Variants in ZFHX3 observed in about 807,000 individuals in gnomAD.
ZFHX3 encodes the protein zinc finger homeobox 3, also known as zinc finger homeobox protein 3.
ZFHX3 carries 42 observed loss-of-function variants against 279.1 expected under a neutral mutation model. That is an observed-to-expected ratio of 0.15 (90% CI 0.12 to 0.19). The LOEUF is 0.19. Among genes scored for constraint, ZFHX3 ranks in the 10% least tolerant of loss-of-function variants. The pLI is 1.00. For missense variants in ZFHX3, 4,981 were observed against 4,754.0 expected (o/e 1.05, Z -1.40); for synonymous variants, 2,293 against 1,957.8 (o/e 1.17, Z -4.52).
chr16:73,667,805 T>C (rs1467381041), intron 2 of ZFHX3, among the ~76,000 whole-genome samples: 1 of 152,172 alleles, frequency 6.6e-6, no homozygotes, highest in Non-Finnish European at 1.5e-5. Flanking sequence ...TGCACTGAAG[T>C]TTTGCCATTA....
intron 8 of ZFHX3, among the ~76,000 whole-genome samples, chr16:73,090,373 A>T (rs908883421): frequency 4.6e-5 from 7 of 152,240 alleles, no homozygotes; most frequent in African/African-American, 1.7e-4. Context: ...AACCTGGGTG[A>T]CAGAGACCCT....
At chr16:73,477,119 T>G (rs1049304385) in intron 2 of ZFHX3, among the ~76,000 whole-genome samples, 1 of 152,176 alleles carries the variant, frequency 6.6e-6, no homozygotes, top group Non-Finnish European at 1.5e-5. Context: ...CAATGAAAAA[T>G]CATGCTTTGT....
chr16:73,544,383 T>C (rs1421306053), intron 2 of ZFHX3, among the ~76,000 whole-genome samples: 1 of 152,170 alleles, frequency 6.6e-6, no homozygotes, highest in Non-Finnish European at 1.5e-5. Flanking sequence ...TTAGTCACGT[T>C]TAAAAGCCCA....
intron 5 of ZFHX3, among the ~76,000 whole-genome samples, chr16:73,201,313 A>C (rs373266511): frequency 6.6e-5 from 10 of 152,296 alleles, no homozygotes; most frequent in African/African-American, 2.4e-4. Context: ...AACAGAACCA[A>C]AGTAGGTGTG....
chr16:73,417,396 C>CTTTTTTTTTTTT (rs57283343), intron 3 of ZFHX3, among the ~76,000 whole-genome samples: 1 of 118,772 alleles, frequency 8.4e-6, no homozygotes, highest in Non-Finnish European at 1.7e-5. Flanking sequence ...TTTTTCTTTT[C>CTTTTTTTTTTTT]TTTTTTTTTT....
intron 5 of ZFHX3, among the ~76,000 whole-genome samples, chr16:73,235,966 T>C (rs962250979): frequency 5.9e-5 from 9 of 152,356 alleles, no homozygotes; most frequent in Middle Eastern, 3.4e-3. Flanking sequence ...CCATTGCACC[T>C]GGCCCAAATA....
chr16:73,767,138 T>C (rs1054923236), intron 1 of ZFHX3, among the ~76,000 whole-genome samples: 6 of 152,082 alleles, frequency 3.9e-5, no homozygotes, highest in Admixed American at 6.6e-5. Context: ...GGTTTCACCA[T>C]GTTGGCCAGG....
intron 7 of ZFHX3, among the ~76,000 whole-genome samples, chr16:73,121,708 T>C (rs981209403): frequency 6.6e-6 from 1 of 150,988 alleles, no homozygotes; most frequent in East Asian, 2.0e-4. Context: ...CTCTGCCTCC[T>C]GGGTTCTCGC....
At chr16:73,394,496 C>G (rs1482139143) in intron 3 of ZFHX3, among the ~76,000 whole-genome samples, 1 of 152,088 alleles carries the variant, frequency 6.6e-6, no homozygotes, top group African/African-American at 2.4e-5. Context: ...GGGGTATCAT[C>G]ATGTTGACCA....
chr16:73,776,827 A>G (rs16972554), intron 1 of ZFHX3, among the ~76,000 whole-genome samples: 2,763 of 152,232 alleles, frequency 0.018, 82 homozygotes, highest in African/African-American at 0.064. Context: ...TTCCCGCCTG[A>G]ACCGTTCGCA....
rs115728168 is a variant in ZFHX3 at position 73,617,975 on chromosome 16, C to T, written c.-1547+62205G>A. Among the ~76,000 whole-genome samples the T allele has an allele frequency of 2.6e-3, 397 of 152,292 alleles. 1 individual carries two copies. Among genetic ancestry groups the T allele is most frequent in the African/African-American group, 9.3e-3 (388 of 41,554 alleles). On this transcript the variant is annotated intron_variant, in intron 2 of 17. Transcript: ENST00000641206. ...TGAACCTCTGGCTCTGCACATTGGC[C>T]TACACTGCAATAGAGCCACTTCTTT...
At chr16:73,716,330 T>C (rs1329358065) in intron 1 of ZFHX3, among the ~76,000 whole-genome samples, 1 of 152,104 alleles carries the variant, frequency 6.6e-6, no homozygotes, top group Admixed American at 6.5e-5. Flanking sequence ...AGCCCAAATA[T>C]ACAAGATTGT....
At chr16:72,849,044 A>G (rs974875689) in intron 4 of ZFHX3, among the ~76,000 whole-genome samples, 2 of 152,148 alleles carry the variant, frequency 1.3e-5, no homozygotes, top group African/African-American at 4.8e-5. Context: ...TTCGTCTAGC[A>G]AAATTTTTCT....
intron 4 of ZFHX3, among the ~76,000 whole-genome samples, chr16:73,291,323 G>T (rs534238942): frequency 1.3e-5 from 2 of 152,148 alleles, no homozygotes; most frequent in African/African-American, 4.8e-5. Context: ...CAAAGGGAAG[G>T]CAGGGGTGAG....
chr16:73,393,795 C>T (rs1028484853), intron 3 of ZFHX3, among the ~76,000 whole-genome samples: 1 of 151,820 alleles, frequency 6.6e-6, no homozygotes, highest in Non-Finnish European at 1.5e-5. Flanking sequence ...CTAGAAAACA[C>T]TGAAGTGTTC....
At chr16:73,794,547 G>GT (rs1007539240) in intron 1 of ZFHX3, among the ~76,000 whole-genome samples, 43 of 152,310 alleles carry the variant, frequency 2.8e-4, no homozygotes, top group African/African-American at 1.0e-3. Context: ...TCCCACGACT[G>GT]TGCTTTATAA....
chr16:73,619,566 A>C (rs1033081796), intron 2 of ZFHX3, among the ~76,000 whole-genome samples: 1 of 151,124 alleles, frequency 6.6e-6, no homozygotes, highest in African/African-American at 2.4e-5. Flanking sequence ...CCTTTTTTGA[A>C]CTCAGAGAGT....
chr16:73,403,549 A>ATT (rs4011554), intron 3 of ZFHX3, among the ~76,000 whole-genome samples: 9,839 of 151,694 alleles, frequency 0.065, 785 homozygotes, highest in South Asian at 0.2. Flanking sequence ...GCCACATGCA[A>ATT]TTTTTTTTTA....
At chr16:73,381,354 T>C (rs2016814658) in intron 3 of ZFHX3, among the ~76,000 whole-genome samples, 2 of 152,182 alleles carry the variant, frequency 1.3e-5, no homozygotes, top group South Asian at 2.1e-4. Context: ...TGAATAGCTA[T>C]GAAAAGCATG....
Sources: gnomAD v4.1 joint callset for allele counts (sites outside exome capture counted in the v4.1 genomes callset) on GRCh38, gnomAD v4.1.1 for gene constraint, MANE v1.5 for transcripts, NCBI Gene and HGNC (gene_info 2026-07-23, HGNC 2026-07-21) for gene names.